The following HS3ST4 variants were observed in gnomAD, a reference collection of about 807,000 sequenced individuals.
The protein encoded by HS3ST4 is heparan sulfate-glucosamine 3-sulfotransferase 4.
A neutral mutation model predicts 29.2 loss-of-function variants in HS3ST4; 17 were observed. The ratio of observed to expected loss-of-function variants is 0.58; its 90% confidence interval spans 0.40 to 0.87. The LOEUF (loss-of-function observed/expected upper bound fraction) is 0.87. Among genes scored for constraint, HS3ST4 ranks in the 40% least tolerant of loss-of-function variants. The pLI, the probability that HS3ST4 is intolerant of heterozygous loss-of-function variation, is 0.00. For synonymous variants in HS3ST4, 314 were observed against 285.7 expected (o/e 1.10, Z -1.00); for missense variants, 627 against 634.5 (o/e 0.99, Z 0.13).
intron 1 of HS3ST4, among the ~76,000 whole-genome samples, chr16:26,104,037 G>A (rs554626354): frequency 6.6e-6 from 1 of 152,146 alleles, no homozygotes; most frequent in Admixed American, 6.5e-5. Flanking sequence ...AAAACACTGG[G>A]AATGCATTTG....
At chr16:25,976,625 C>T (rs1028637281) in intron 1 of HS3ST4, among the ~76,000 whole-genome samples, 2 of 152,212 alleles carry the variant, frequency 1.3e-5, no homozygotes, top group African/African-American at 2.4e-5. Flanking sequence ...CTATCCACAG[C>T]TCTGCTGCAT....
At chr16:25,752,344 G>A (rs1020570571) in intron 1 of HS3ST4, among the ~76,000 whole-genome samples, 10 of 152,240 alleles carry the variant, frequency 6.6e-5, no homozygotes, top group African/African-American at 2.4e-4. Flanking sequence ...GTGGATATGT[G>A]TACTTGGACA....
chr16:25,694,693 G>A (rs1966280804), intron 1 of HS3ST4, among the ~76,000 whole-genome samples: 1 of 152,116 alleles, frequency 6.6e-6, no homozygotes, highest in Non-Finnish European at 1.5e-5. Flanking sequence ...GAAGGTTTTA[G>A]TTGTTTAATT....
At chr16:25,751,653 G>C (rs1431568897) in intron 1 of HS3ST4, among the ~76,000 whole-genome samples, 1 of 152,170 alleles carries the variant, frequency 6.6e-6, no homozygotes, top group African/African-American at 2.4e-5. Context: ...TGCTAAACAG[G>C]AATCATATTT....
intron 1 of HS3ST4, among the ~76,000 whole-genome samples, chr16:26,010,058 T>A (rs923964720): frequency 1.1e-4 from 16 of 152,176 alleles, no homozygotes; most frequent in African/African-American, 3.6e-4. Flanking sequence ...CAGGCCTAAG[T>A]CTAAGCAATA....
intron 1 of HS3ST4, among the ~76,000 whole-genome samples, chr16:25,711,971 T>C (rs1171835441): frequency 6.6e-6 from 1 of 152,224 alleles, no homozygotes; most frequent in Non-Finnish European, 1.5e-5. Context: ...ACATAATTTA[T>C]TTCAAAAATG....
In HS3ST4 at chr16:25,692,803, C is replaced by G. The variant is rs998500869; in HGVS notation, c.386C>G (p.Pro129Arg). 1.0e-5 allele frequency: 14 copies of G among 1,381,970 alleles called. No individual in the cohort carries two copies. In the African/African-American group the frequency reaches 1.7e-4, roughly 17 times the overall value. The allele number at this position is 1,381,970 out of a possible 1,614,324, so 85.6% of individuals were successfully genotyped here. A position where few individuals can be genotyped will look rare whatever the true frequency, so the allele number is the denominator to read the frequency against. Residue 129 changes from proline to arginine, a missense_variant, in exon 1 of 2, where the codon CCG becomes CGG. Physicochemically the swap from Pro to Arg is moderately radical, Grantham distance 103 (BLOSUM62 -2). Transcript: ENST00000331351. ...CCCGGGACCGACGGCTGGGGGCTGC[C>G]GAGCGGCGGCGGAGGCGCCCAGGAC... ...AAPGTDGWGL[P>R]SGGGGAQDAW...
intron 1 of HS3ST4, among the ~76,000 whole-genome samples, chr16:25,704,594 GGTGCTCCACT>G (rs936020769): frequency 1.3e-5 from 2 of 152,026 alleles, no homozygotes; most frequent in African/African-American, 4.8e-5. Context: ...GGACTATATA[GGTGCTCCACT>G]GTGCCTGGCT....
intron 1 of HS3ST4, among the ~76,000 whole-genome samples, chr16:25,762,433 G>C (rs747641388): frequency 2.0e-5 from 3 of 152,194 alleles, no homozygotes; most frequent in Admixed American, 6.5e-5. Context: ...AGAACATCTT[G>C]TTGACTTCTG....
intron 1 of HS3ST4, among the ~76,000 whole-genome samples, chr16:25,873,378 T>TCATTCATC (rs1967780674): frequency 1.0e-5 from 1 of 96,758 alleles, no homozygotes; most frequent in Admixed American, 1.0e-4. Flanking sequence ...AGCCATCCAG[T>TCATTCATC]CATCCATCCA....
At chr16:25,986,418 A>G (rs1969064076) in intron 1 of HS3ST4, among the ~76,000 whole-genome samples, 1 of 152,174 alleles carries the variant, frequency 6.6e-6, no homozygotes, top group African/African-American at 2.4e-5. Flanking sequence ...TTTTATTTTC[A>G]TTGGAGGTTT....
At chr16:26,055,832 A>G (rs1345258874) in intron 1 of HS3ST4, among the ~76,000 whole-genome samples, 1 of 152,122 alleles carries the variant, frequency 6.6e-6, no homozygotes. Context: ...AAGAAGTGGC[A>G]TGCTAACCGT....
intron 1 of HS3ST4, among the ~76,000 whole-genome samples, chr16:25,730,726 TTC>T (rs1267796281): frequency 6.7e-6 from 1 of 150,172 alleles, no homozygotes; most frequent in Non-Finnish European, 1.5e-5. Context: ...CCTTCCTTCC[TTC>T]TCTCCCTCCC....
chr16:26,043,626 G>A (rs1898231575), intron 1 of HS3ST4, among the ~76,000 whole-genome samples: 1 of 152,220 alleles, frequency 6.6e-6, no homozygotes, highest in Non-Finnish European at 1.5e-5. Flanking sequence ...TGTAACCACA[G>A]TGTAATGATG....
chr16:26,076,821 A>C (rs1481788401), intron 1 of HS3ST4, among the ~76,000 whole-genome samples: 1 of 152,232 alleles, frequency 6.6e-6, no homozygotes, highest in South Asian at 2.1e-4. Flanking sequence ...TTAAGGATTC[A>C]TGCATTCATG....
At chr16:25,872,053 C>T (rs1405555047) in intron 1 of HS3ST4, among the ~76,000 whole-genome samples, 2 of 152,108 alleles carry the variant, frequency 1.3e-5, no homozygotes, top group African/African-American at 4.8e-5. Flanking sequence ...GGGGGAGGAC[C>T]CCTATCTTAC....
At chr16:25,972,778 A>T (rs1298038260) in intron 1 of HS3ST4, among the ~76,000 whole-genome samples, 7 of 152,226 alleles carry the variant, frequency 4.6e-5, no homozygotes, top group Admixed American at 2.0e-4. Context: ...GCGAAGAGGG[A>T]GGGGGATCCT....
intron 1 of HS3ST4, among the ~76,000 whole-genome samples, chr16:25,799,366 G>C (rs1966909794): frequency 6.6e-6 from 1 of 152,062 alleles, no homozygotes. Context: ...AGAACAAAAA[G>C]TCCCCAATTA....
chr16:25,897,821 C>CT (rs1051701420), intron 1 of HS3ST4, among the ~76,000 whole-genome samples: 4 of 152,094 alleles, frequency 2.6e-5, no homozygotes, highest in African/African-American at 4.8e-5. Context: ...GGTTTCAAAT[C>CT]TTTTTTTAGT....
Sources: gnomAD v4.1 joint callset for allele counts (sites outside exome capture counted in the v4.1 genomes callset) on GRCh38, gnomAD v4.1.1 for gene constraint, MANE v1.5 for transcripts, NCBI Gene and HGNC (gene_info 2026-07-23, HGNC 2026-07-21) for gene names.